Variants in GNAS observed in about 807,000 individuals in gnomAD.
GNAS encodes GNAS complex locus, also known as protein ALEX.
GNAS carries 8 observed loss-of-function variants against 54.5 expected under a neutral mutation model. That is an observed-to-expected ratio of 0.15 (90% CI 0.09 to 0.26). GNAS has a LOEUF of 0.26. GNAS is among the 10% of genes least tolerant of loss of function. GNAS has a pLI of 1.00. For missense variants in GNAS, 170 were observed against 529.8 expected (o/e 0.32, Z 6.67); for synonymous variants, 204 against 191.4 (o/e 1.07, Z -0.54).
chr20:58,876,765 G>T (rs184736234), intron 1 of GNAS: 1 of 152,232 alleles, frequency 6.6e-6, no homozygotes, highest in East Asian at 1.9e-4. Flanking sequence ...AAGTCAACGG[G>T]GAAAATCAGC....
upstream of GNAS, chr20:58,839,844 A>G: frequency 5.0e-6 from 3 of 594,676 alleles, no homozygotes; most frequent in African/African-American, 1.9e-5. Context: ...GGAGCCCGGG[A>G]GGAGACAGAA....
In GNAS at chr20:58,840,906, A is replaced by G. The variant is rs1320386776; in HGVS notation, c.43+20A>G. On this transcript the variant is annotated intron_variant, in intron 1 of 12. Transcript: ENST00000306090. This position sits in a 1 kb window ranked among gnomAD's most constrained non-coding sequence, Gnocchi z 6.0. The stretch of plus-strand genomic sequence containing the variant: ...ATTCAGGTTAGTTGCCCACCGCTAA[A>G]CTGGGGAGCCTGAGGGCGGTGTGGG... 3.7e-6 allele frequency: 6 copies of G among 1,611,412 alleles called. No homozygotes were observed. Among genetic ancestry groups the G allele is most frequent in the Non-Finnish European group, 4.2e-6 (5 of 1,179,356 alleles).
chr20:58,878,228 C>T (rs1485733028), intron 1 of GNAS, among the ~76,000 whole-genome samples: 1 of 152,168 alleles, frequency 6.6e-6, no homozygotes, highest in Non-Finnish European at 1.5e-5. Flanking sequence ...CCAAGAGAGC[C>T]CCATGGCCTT....
chr20:58,851,768 AG>A (rs575674733), intron 1 of GNAS, among the ~76,000 whole-genome samples: 240 of 152,322 alleles, frequency 1.6e-3, no homozygotes, highest in Non-Finnish European at 2.7e-3. Context: ...CTCTAGCAGT[AG>A]AAAAGTAAAG....
At chr20:58,861,614 T>C (rs944641719) in intron 1 of GNAS, among the ~76,000 whole-genome samples, 1 of 152,154 alleles carries the variant, frequency 6.6e-6, no homozygotes, top group African/African-American at 2.4e-5. Context: ...GTGGCCTTTA[T>C]GCAATTTAGA....
intron 1 of GNAS, among the ~76,000 whole-genome samples, chr20:58,869,056 T>C (rs999394063): frequency 1.5e-4 from 23 of 152,270 alleles, no homozygotes; most frequent in African/African-American, 5.1e-4. Flanking sequence ...AGTTGAGCAA[T>C]TGACATCTAA....
At chr20:58,885,630 T>A (rs141903469) in intron 1 of GNAS, among the ~76,000 whole-genome samples, 2 of 152,056 alleles carry the variant, frequency 1.3e-5, no homozygotes, top group Admixed American at 1.3e-4. Flanking sequence ...GAAAAAAAAA[T>A]GTCCTAGATA....
intron 1 of GNAS, among the ~76,000 whole-genome samples, chr20:58,868,338 G>T (rs1483447438): frequency 6.6e-6 from 1 of 151,556 alleles, no homozygotes; most frequent in African/African-American, 2.4e-5. Context: ...CTTTTTAGTA[G>T]AGATGGGGTT....
At chr20:58,889,167 G>A (rs2088844004), upstream of GNAS, 6 of 1,216,574 alleles carry the variant, frequency 4.9e-6, no homozygotes, top group Non-Finnish European at 6.3e-6. Flanking sequence ...TCTGCTCCCC[G>A]GCGGGGACAC....
upstream of GNAS, among the ~76,000 whole-genome samples, chr20:58,890,267 G>GGCC (rs886324188): frequency 2.0e-5 from 3 of 150,198 alleles, no homozygotes; most frequent in Non-Finnish European, 4.4e-5. Flanking sequence ...CCGCCGCCGC[G>GGCC]GCCGCCGCCG....
intron 1 of GNAS, 116 bp downstream of exon 1, chr20:58,891,981 C>A (rs1487510849): frequency 9.4e-6 from 7 of 747,680 alleles, no homozygotes; most frequent in African/African-American, 1.9e-5. Context: ...GCCCCCCGCC[C>A]GTTCGCGGGC....
chr20:58,877,294 C>G (rs1275519409), intron 1 of GNAS, among the ~76,000 whole-genome samples: 1 of 152,086 alleles, frequency 6.6e-6, no homozygotes, highest in Non-Finnish European at 1.5e-5. Context: ...GAGAGAAGCC[C>G]TTCCCTGAGC....
intron 1 of GNAS, among the ~76,000 whole-genome samples, chr20:58,870,475 G>A (rs1197224066): frequency 1.3e-5 from 2 of 152,256 alleles, no homozygotes; most frequent in African/African-American, 4.8e-5. Context: ...GGTCAGCAGA[G>A]AGCTCAGAAT....
chr20:58,891,213 CCTCCCTCCGCCGG>C (rs2089230885), upstream of GNAS: 1 of 149,210 alleles, frequency 6.7e-6, no homozygotes. Flanking sequence ...CGGGGGGCCG[CCTCCCTCCGCCGG>C]CTCCCGCCCT....
In GNAS at chr20:58,896,864, A is replaced by AT. The variant is rs774493188; in HGVS notation, c.212+1182dup. On this transcript the variant is annotated intron_variant, in intron 2 of 12. Coordinates refer to ENST00000371085, the MANE Select transcript of GNAS (RefSeq NM_000516.7). ...GTTGGAGTCAAGGTGGTAGCGTTTA[A>AT]TTATACCAACCACCCCCCAAAAAAA... Among the ~76,000 whole-genome samples, 6 of 152,262 alleles carry AT rather than the reference A, an allele frequency of 3.9e-5. No homozygotes were observed. The East Asian group carries it at 7.7e-4, about 20-fold the overall frequency.
intron 3 of GNAS, 191 bp from the exon 4 acceptor site, chr20:58,903,340 C>G: frequency 2.9e-6 from 2 of 683,888 alleles, no homozygotes; most frequent in Non-Finnish European, 5.3e-6. Flanking sequence ...GGCGTGTCCT[C>G]AGGGCACATT....
chr20:58,889,753 C>T (rs1055773061), upstream of GNAS, among the ~76,000 whole-genome samples: 8 of 150,258 alleles, frequency 5.3e-5, no homozygotes, highest in Admixed American at 4.0e-4. Context: ...GGCCCCGGGG[C>T]AGCGCGGCGG....
At chr20:58,874,319 C>T (rs1200130351) in intron 1 of GNAS, among the ~76,000 whole-genome samples, 1 of 152,228 alleles carries the variant, frequency 6.6e-6, no homozygotes, top group African/African-American at 2.4e-5. Context: ...CAACTTCTTT[C>T]TTTCATTGTG....
upstream of GNAS, chr20:58,888,994 C>T: frequency 1.1e-6 from 1 of 900,876 alleles, no homozygotes; most frequent in Non-Finnish European, 1.3e-6. Flanking sequence ...GGCCCACGCC[C>T]GCGCGGTCCC....
Sources: allele counts gnomAD v4.1 joint callset (sites outside exome capture counted in the v4.1 genomes callset), GRCh38; gene constraint gnomAD v4.1.1; non-coding constraint Gnocchi (gnomAD v3.1); transcripts MANE v1.5; gene names NCBI Gene and HGNC (gene_info 2026-07-23, HGNC 2026-07-21).